Variants in SIPA1L1 observed in about 807,000 individuals in gnomAD.
The protein encoded by SIPA1L1 is signal-induced proliferation-associated 1-like protein 1.
SIPA1L1 carries 26 observed loss-of-function variants against 162.7 expected under a neutral mutation model. That is an observed-to-expected ratio of 0.16 (90% confidence interval 0.12 to 0.22). The LOEUF is 0.22. SIPA1L1 is among the 10% of genes least tolerant of loss of function. SIPA1L1 has a pLI of 1.00. For missense variants in SIPA1L1, 1,874 were observed against 2,241.0 expected (o/e 0.84, Z 3.31); for synonymous variants, 829 against 837.4 (o/e 0.99, Z 0.17).
At chr14:71,636,641 A>G (rs920215211) in intron 7 of SIPA1L1, among the ~76,000 whole-genome samples, 2 of 152,242 alleles carry the variant, frequency 1.3e-5, no homozygotes, top group Non-Finnish European at 2.9e-5. Flanking sequence ...ATGACTAGAA[A>G]GAGAAGAGCA....
At chr14:71,361,143 G>A (rs1358721953) in intron 2 of SIPA1L1, among the ~76,000 whole-genome samples, 1 of 151,986 alleles carries the variant, frequency 6.6e-6, no homozygotes, top group Non-Finnish European at 1.5e-5. Context: ...TGTAAATTTT[G>A]CTTTTGCAGC....
chr14:71,649,382 G>C (rs988517208), intron 7 of SIPA1L1, among the ~76,000 whole-genome samples: 1 of 151,986 alleles, frequency 6.6e-6, no homozygotes, highest in Non-Finnish European at 1.5e-5. Context: ...TGTAGAGACA[G>C]GGTTTTGCCA....
chr14:71,570,291 GA>G (rs1344760073), intron 4 of SIPA1L1, among the ~76,000 whole-genome samples: 1 of 148,864 alleles, frequency 6.7e-6, no homozygotes, highest in Non-Finnish European at 1.5e-5. Flanking sequence ...ATTTATTTTT[GA>G]GATGAGGTCT....
chr14:71,448,436 A>C (rs1053033380), intron 2 of SIPA1L1, among the ~76,000 whole-genome samples: 1 of 152,138 alleles, frequency 6.6e-6, no homozygotes, highest in East Asian at 1.9e-4. Flanking sequence ...AACTTGCCCA[A>C]GGTTTATGGG....
At chr14:71,408,320 A>G (rs1376250081) in intron 2 of SIPA1L1, among the ~76,000 whole-genome samples, 1 of 152,070 alleles carries the variant, frequency 6.6e-6, no homozygotes, top group Middle Eastern at 3.2e-3. Context: ...CTTCAAAGAG[A>G]CTCAAATTTT....
chr14:71,609,562 G>A (rs2037949506), intron 5 of SIPA1L1, among the ~76,000 whole-genome samples: 1 of 151,948 alleles, frequency 6.6e-6, no homozygotes, highest in Admixed American at 6.6e-5. Context: ...CGCCTCCTGG[G>A]TTCAAGTGAT....
At chr14:71,546,139 T>G (rs1323015125) in intron 4 of SIPA1L1, among the ~76,000 whole-genome samples, 3 of 152,142 alleles carry the variant, frequency 2.0e-5, no homozygotes, top group Non-Finnish European at 4.4e-5. Context: ...ACACTGTGGC[T>G]TCTGCTTTTA....
chr14:71,623,026 C>T (rs2039609077), intron 6 of SIPA1L1, among the ~76,000 whole-genome samples: 1 of 152,220 alleles, frequency 6.6e-6, no homozygotes, highest in Admixed American at 6.5e-5. Flanking sequence ...AATTGTTCCT[C>T]TATTTCATGG....
At chr14:71,680,853 G>C (rs1430616326) in intron 12 of SIPA1L1, among the ~76,000 whole-genome samples, 1 of 152,140 alleles carries the variant, frequency 6.6e-6, no homozygotes, top group Non-Finnish European at 1.5e-5. Flanking sequence ...ATAGCCACAG[G>C]ATGGGGGCGT....
intron 3 of SIPA1L1, among the ~76,000 whole-genome samples, chr14:71,517,425 C>T (rs117710463): frequency 0.018 from 2,706 of 152,260 alleles, 33 homozygotes; most frequent in Non-Finnish European, 0.024. Flanking sequence ...TTCCTGCAAA[C>T]AAAACCACAT....
chr14:71,621,645 T>C (rs2039459737), intron 6 of SIPA1L1, among the ~76,000 whole-genome samples: 1 of 152,218 alleles, frequency 6.6e-6, no homozygotes, highest in Admixed American at 6.5e-5. Flanking sequence ...TTCTCTGTTA[T>C]ACTTAGTCAT....
At chr14:71,726,278 G>A (rs1271033766) in intron 19 of SIPA1L1, among the ~76,000 whole-genome samples, 2 of 152,138 alleles carry the variant, frequency 1.3e-5, no homozygotes, top group African/African-American at 4.8e-5. Flanking sequence ...GGCACAAATG[G>A]TTTCCTTAGC....
In SIPA1L1 at chr14:71,432,190, T is replaced by G. The variant is rs909722478; in HGVS notation, c.-464-80553T>G. Among the ~76,000 whole-genome samples the G allele has an allele frequency of 1.1e-4, 17 of 152,292 alleles. 1 individual carries two copies. Among genetic ancestry groups the G allele is most frequent in the Admixed American group, 9.2e-4 (14 of 15,284 alleles). On this transcript the variant is annotated intron_variant, in intron 2 of 23. Transcript: ENST00000381232. The stretch of plus-strand genomic sequence containing the variant: ...CTTGGGCTCAAGCAATCCACCTGTT[T>G]CAGCCTCCGGAGTAGCTGGGACTCT...
At chr14:71,635,454 TGTAA>T (rs1401032548) in intron 7 of SIPA1L1, among the ~76,000 whole-genome samples, 2 of 152,218 alleles carry the variant, frequency 1.3e-5, no homozygotes, top group African/African-American at 4.8e-5. Flanking sequence ...AATTTTTTAA[TGTAA>T]GTGTTTTATA....
chr14:71,483,996 G>T (rs547850805), intron 2 of SIPA1L1, among the ~76,000 whole-genome samples: 5 of 152,180 alleles, frequency 3.3e-5, no homozygotes, highest in African/African-American at 4.8e-5. Context: ...TACGATGTTT[G>T]TCTGTTCATA....
At chr14:71,700,492 A>G (rs1422890364) in intron 14 of SIPA1L1, among the ~76,000 whole-genome samples, 1 of 152,276 alleles carries the variant, frequency 6.6e-6, no homozygotes, top group Non-Finnish European at 1.5e-5. Flanking sequence ...GAATGAAACA[A>G]GGACCCTTAG....
At chr14:71,672,661 T>C in intron 12 of SIPA1L1, 39 bp downstream of exon 12, 1 of 1,599,024 alleles carries the variant, frequency 6.3e-7, no homozygotes, top group East Asian at 2.2e-5. Flanking sequence ...GAGACTCGAG[T>C]GCAGGGTTTG....
At chr14:71,438,223 T>TC (rs1392179504) in intron 2 of SIPA1L1, among the ~76,000 whole-genome samples, 1 of 152,178 alleles carries the variant, frequency 6.6e-6, no homozygotes, top group Admixed American at 6.6e-5. Context: ...TGCTTTTTTT[T>TC]CTCTCAAACT....
At chr14:71,710,682 C>A (rs989721312) in intron 17 of SIPA1L1, among the ~76,000 whole-genome samples, 1 of 151,942 alleles carries the variant, frequency 6.6e-6, no homozygotes, top group African/African-American at 2.4e-5. Context: ...GTGGCAGGCA[C>A]CTGTAATCCC....
Sources: gnomAD v4.1 joint callset for allele counts (sites outside exome capture counted in the v4.1 genomes callset) on GRCh38, gnomAD v4.1.1 for gene constraint, MANE v1.5 for transcripts, NCBI Gene and HGNC (gene_info 2026-07-23, HGNC 2026-07-21) for gene names.